The following NELFE variants were observed in gnomAD, a reference collection of about 807,000 sequenced individuals.
NELFE encodes the protein negative elongation factor complex member E, also known as negative elongation factor E.
NELFE carries 26 observed loss-of-function variants against 55.5 expected under a neutral mutation model. The ratio of observed to expected loss-of-function variants is 0.47; its 90% CI spans 0.34 to 0.65. The LOEUF (loss-of-function observed/expected upper bound fraction) is 0.65. NELFE is among the 30% of genes least tolerant of loss of function. The probability of loss-of-function intolerance (pLI) is 0.01; values close to 1 mark genes in which losing one functional copy is unlikely to be tolerated. For synonymous variants in NELFE, 162 were observed against 178.0 expected (o/e 0.91, Z 0.72); for missense variants, 403 against 506.9 (o/e 0.80, Z 1.97).
rs1396963440 is a variant in NELFE at position 31,955,291 on chromosome 6, G to A, written c.294C>T (p.Asp98=). ...RSRTLEGKLK[D]PEKGPVPTFQ... ...AAGTGGGGACTGGTCCCTTCTCGGGGTCCTGGAGTGGTGAGAGACCTACCT... is the reference window on the plus strand; with the variant it reads ...AAGTGGGGACTGGTCCCTTCTCGGGATCCTGGAGTGGTGAGAGACCTACCT... Residue 98 remains aspartate, a splice_region_variant and synonymous_variant, in exon 5 of 11, where the codon GAC becomes GAT. Coordinates refer to ENST00000375429, the MANE Select transcript of NELFE (RefSeq NM_002904.6). The A allele has an allele frequency of 6.4e-7, 1 of 1,568,846 alleles. No homozygotes were observed. Among genetic ancestry groups the A allele is most frequent in the Non-Finnish European group, 8.6e-7 (1 of 1,160,316 alleles).
intron 2 of NELFE, 28 bp downstream of exon 2, chr6:31,958,344 T>C: frequency 6.2e-7 from 1 of 1,602,330 alleles, no homozygotes; most frequent in Non-Finnish European, 8.5e-7. Flanking sequence ...TGTGAAAGGT[T>C]AGGCCATGTC....
intron 4 of NELFE, among the ~76,000 whole-genome samples, chr6:31,955,870 A>G (rs1377981788): frequency 1.3e-5 from 2 of 152,052 alleles, no homozygotes; most frequent in African/African-American, 4.8e-5. Context: ...CCTGGGTTCA[A>G]GTGATTCTCT....
At chr6:31,958,260 T>A (rs781569014) in intron 2 of NELFE, 112 bp downstream of exon 2, 1 of 926,810 alleles carries the variant, frequency 1.1e-6, no homozygotes, top group Admixed American at 1.7e-5. Context: ...TGAGGTGATA[T>A]GTCTCTAGGT....
intron 4 of NELFE, 150 bp downstream of exon 4, chr6:31,956,543 T>G (rs991851903): frequency 1.3e-6 from 1 of 757,118 alleles, no homozygotes; most frequent in Non-Finnish European, 2.1e-6. Flanking sequence ...AATTCAGGAG[T>G]CGTCTAGTTT....
At chr6:31,957,736 T>C (rs542117351) in intron 2 of NELFE, among the ~76,000 whole-genome samples, 201 of 152,360 alleles carry the variant, frequency 1.3e-3, no homozygotes, top group African/African-American at 4.7e-3. Flanking sequence ...AAGCCATTTA[T>C]GGTTTTTGAG....
rs139602334 is a variant in NELFE, at chr6:31,958,893, C to T, written c.-10G>A. 2 of 594,036 alleles carry T rather than the reference C, an allele frequency of 3.4e-6. No homozygotes were observed. Among genetic ancestry groups the T allele is most frequent in the African/African-American group, 1.9e-5 (1 of 53,764 alleles). The allele number at this position is 594,036 out of a possible 1,614,324, so 36.8% of individuals were successfully genotyped here. On this transcript the variant is annotated splice_region_variant and 5_prime_UTR_variant, in exon 1 of 11. Coordinates refer to ENST00000375429, the MANE Select transcript of NELFE (RefSeq NM_002904.6). Reference sequence around the variant, plus strand: ...AGAGTGAGAAGCAGAGGGCCTTACCCGAGGGGGCGGCAACCGGGGGCCCCA... The same window carrying T: ...AGAGTGAGAAGCAGAGGGCCTTACCTGAGGGGGCGGCAACCGGGGGCCCCA...
Position 31,954,669 on chromosome 6 carries a change from G to A in NELFE, c.628C>T (p.Arg210Ter), listed in dbSNP as rs995320265. 5.1e-6 allele frequency: 8 copies of A among 1,572,770 alleles called. No homozygotes were observed. Among genetic ancestry groups the A allele is most frequent in the Non-Finnish European group, 6.1e-6 (7 of 1,155,426 alleles). ...RDRERDRDRD[R>*]DRDRERDRDR... ...CTGTCCCGCTCTCTGTCTCTGTCTC[G>A]ATCCCGGTCTCGATCCCGCTCCCGA... Residue 210 changes from arginine (R) to a stop codon, truncating the protein, a stop_gained, in exon 7 of 11, where the codon CGA becomes TGA. Coordinates refer to ENST00000375429, the MANE Select transcript of NELFE (RefSeq NM_002904.6). LOFTEE classifies it high-confidence loss of function. This position sits in a 1 kb window ranked among gnomAD's most constrained non-coding sequence, Gnocchi z 5.5.
intron 10 of NELFE, among the ~76,000 whole-genome samples, chr6:31,952,656 T>C (rs1314630279): frequency 1.3e-5 from 2 of 152,256 alleles, no homozygotes; most frequent in South Asian, 2.1e-4. Flanking sequence ...ACGTGAATGA[T>C]ATTAACCCAC....
At chr6:31,955,405 C>T in intron 4 of NELFE, 112 bp from the exon 5 acceptor site, 2 of 696,228 alleles carry the variant, frequency 2.9e-6, no homozygotes, top group South Asian at 5.1e-5. Context: ...CTTTTCTTCC[C>T]TTTTAATTCT....
At chr6:31,958,264 T>C in intron 2 of NELFE, 108 bp downstream of exon 2, 1 of 977,932 alleles carries the variant, frequency 1.0e-6, no homozygotes, top group South Asian at 1.3e-5. Context: ...GTGATATGTC[T>C]CTAGGTATGG....
rs2151792920 is a variant in NELFE at position 31,954,345 on chromosome 6, G to A, written c.840C>T (p.Phe280=). ...GGTCAATGATGTTTCCAAAAGGAGA[G>A]AAGGCCCCACGGAGAAGGGTGGGTG... The part of the protein sequence containing the change: ...DMTPTLLRGA[F]SPFGNIIDLS... The change falls in exon 8 of 11, where the codon TTC becomes TTT. Residue 280 remains phenylalanine, a synonymous_variant. Transcript: ENST00000375429. This position sits in a 1 kb window ranked among gnomAD's most constrained non-coding sequence, Gnocchi z 5.5. 1.2e-6 allele frequency: 2 copies of A among 1,613,752 alleles called. No homozygotes were observed. Among genetic ancestry groups the A allele is most frequent in the Non-Finnish European group, 1.7e-6 (2 of 1,179,860 alleles).
Position 31,954,520 on chromosome 6 carries a change from T to A in NELFE, c.742+35A>T. On this transcript the variant is annotated intron_variant, in intron 7 of 10. Transcript: ENST00000375429. This position sits in a 1 kb window ranked among gnomAD's most constrained non-coding sequence, Gnocchi z 5.5. Reference sequence around the variant, plus strand: ...TAGTAGGACCCACATAAACCTCAGTTAAGGTCACCTTGACCTCCAGCCAAA... The same window carrying A: ...TAGTAGGACCCACATAAACCTCAGTAAAGGTCACCTTGACCTCCAGCCAAA... 1 of 1,589,068 alleles carries A rather than the reference T, an allele frequency of 6.3e-7. No individual in the cohort carries two copies. Among genetic ancestry groups the A allele is most frequent in the Non-Finnish European group, 8.6e-7 (1 of 1,165,306 alleles).
Position 31,952,223 on chromosome 6 carries a change from A to T in NELFE, c.*78T>A. The T allele has an allele frequency of 7.0e-7, 1 of 1,421,614 alleles. No individual in the cohort carries two copies. Among genetic ancestry groups the T allele is most frequent in the South Asian group, 1.2e-5 (1 of 82,820 alleles). 88.1% of individuals were successfully genotyped at this position (1,421,614 alleles called of 1,614,324 possible). A position where few individuals can be genotyped will look rare whatever the true frequency, so the allele number is the denominator to read the frequency against. On this transcript the variant is annotated 3_prime_UTR_variant, in exon 11 of 11. Transcript: ENST00000375429. ...GCTGAAAAACCAGAGGCTGAGGGAG[A>T]TGTGTAAGCTTCCACCTCAGTGTTT...
chr6:31,953,757 A>AGCG lies in NELFE; in HGVS notation c.1014_1016dup (p.Ala339dup). 2 of 1,613,028 alleles carry AGCG rather than the reference A, an allele frequency of 1.2e-6. No homozygotes were observed. The highest frequency in any genetic ancestry group is 8.5e-7 in the Non-Finnish European group (1 of 1,179,984). On this transcript the variant is annotated inframe_insertion, in exon 10 of 11. Transcript: ENST00000375429. ...GGGAGCCCCAGACAGACTTGCCAGT[A>AGCG]GCGGCATCCAGCATGGGCTGTTTTC...
chr6:31,952,211 A>G lies in NELFE; in HGVS notation c.*90T>C. On this transcript the variant is annotated 3_prime_UTR_variant, in exon 11 of 11. Transcript: ENST00000375429. ...CCAATCCCAAGTGCTGAAAAACCAG[A>G]GGCTGAGGGAGATGTGTAAGCTTCC... 1 of 1,413,628 alleles carries G rather than the reference A, an allele frequency of 7.1e-7. No homozygotes were observed. 87.6% of individuals were successfully genotyped at this position (1,413,628 alleles called of 1,614,324 possible). A position where few individuals can be genotyped will look rare whatever the true frequency, so the allele number is the denominator to read the frequency against.
intron 10 of NELFE, 148 bp downstream of exon 10, chr6:31,953,581 C>G (rs1771889223): frequency 1.4e-6 from 1 of 704,424 alleles, no homozygotes; most frequent in African/African-American, 1.8e-5. Flanking sequence ...CTCTAACTGA[C>G]AGAGGATCTG....
Position 31,954,216 on chromosome 6 carries a change from C to A in NELFE, c.887+82G>T. ...CAAACCCAGTGATAATAGGCGGCTG[C>A]AGGGAGGGCAGCTTCTTCCCTCAGG... On this transcript the variant is annotated intron_variant, in intron 8 of 10. Coordinates refer to ENST00000375429, the MANE Select transcript of NELFE (RefSeq NM_002904.6). The surrounding 1 kb of genome is among the most constrained non-coding windows in gnomAD (Gnocchi z 5.5). 6.2e-7 allele frequency: 1 copy of A among 1,608,862 alleles called. No individual in the cohort carries two copies. The highest frequency in any genetic ancestry group is 8.5e-7 in the Non-Finnish European group (1 of 1,175,758).
intron 10 of NELFE, among the ~76,000 whole-genome samples, chr6:31,953,289 G>A (rs763278128): frequency 4.6e-5 from 6 of 129,606 alleles, no homozygotes; most frequent in East Asian, 2.5e-4. Flanking sequence ...GTCCTGGGTC[G>A]TTTTTTTTTC....
chr6:31,952,106 G>T lies in NELFE; in HGVS notation c.*195C>A. The T allele has an allele frequency of 6.3e-7, 1 of 1,591,048 alleles. No individual in the cohort carries two copies. The highest frequency in any genetic ancestry group is 8.6e-7 in the Non-Finnish European group (1 of 1,163,956). On this transcript the variant is annotated 3_prime_UTR_variant, in exon 11 of 11. Coordinates refer to ENST00000375429, the MANE Select transcript of NELFE (RefSeq NM_002904.6). ...AACACCTGTGTTCCAGATCCTTTTG[G>T]GGCAAGGGAGTGGGGAACAGGCACT... is the stretch of plus-strand genomic sequence containing the variant.
Sources: gnomAD v4.1 joint callset for allele counts (sites outside exome capture counted in the v4.1 genomes callset) on GRCh38, gnomAD v4.1.1 for gene constraint, Gnocchi (gnomAD v3.1) non-coding constraint, MANE v1.5 for transcripts, NCBI Gene and HGNC (gene_info 2026-07-23, HGNC 2026-07-21) for gene names.